CCDC178: variants seen among roughly 807,000 people sequenced by gnomAD.
CCDC178 encodes the protein coiled-coil domain containing 178, also known as coiled-coil domain-containing protein 178.
Under a neutral mutation model 117.4 loss-of-function variants are expected in CCDC178, and 126 were observed. The ratio of observed to expected loss-of-function variants is 1.07; its 90% confidence interval spans 0.93 to 1.24. The LOEUF (loss-of-function observed/expected upper bound fraction) is 1.24, where lower values mean the gene tolerates loss of function less well. Among genes scored for constraint, CCDC178 ranks in the 50% most tolerant of loss-of-function variants. The probability of loss-of-function intolerance (pLI) is 0.00; values close to 1 mark genes in which losing one functional copy is unlikely to be tolerated. For missense variants in CCDC178, 1,030 were observed against 986.9 expected (o/e 1.04, Z -0.59); for synonymous variants, 283 against 313.4 (o/e 0.90, Z 1.02).
chr18:33,249,681 T>G (rs1355461905), intron 14 of CCDC178, among the ~76,000 whole-genome samples: 1 of 152,126 alleles, frequency 6.6e-6, no homozygotes, highest in East Asian at 1.9e-4. Context: ...CCTTGTAGCA[T>G]AGTTTGAAGT....
chr18:33,028,421 A>G (rs2056270977), intron 21 of CCDC178, among the ~76,000 whole-genome samples: 1 of 151,764 alleles, frequency 6.6e-6, no homozygotes, highest in African/African-American at 2.4e-5. Context: ...TCTAGACTGC[A>G]TGACTTTCCA....
intron 14 of CCDC178, among the ~76,000 whole-genome samples, chr18:33,263,656 C>A (rs58050497): frequency 0.067 from 10,251 of 151,932 alleles, 517 homozygotes; most frequent in African/African-American, 0.14. Context: ...AATTTCTTAC[C>A]ACAAACGTGT....
chr18:33,267,059 G>C lies in CCDC178; in HGVS notation c.1273-7C>G, dbSNP rs781495719. The C allele has an allele frequency of 8.3e-6, 13 of 1,572,858 alleles. No individual in the cohort carries two copies. Among genetic ancestry groups the C allele is most frequent in the Middle Eastern group, 1.7e-4 (1 of 5,810 alleles). ...CAATATCCCATGTTTTTTTCTTTAAGAAAAGAATAAAAGAATCATTCATAC... is the reference window on the plus strand; with the variant it reads ...CAATATCCCATGTTTTTTTCTTTAACAAAAGAATAAAAGAATCATTCATAC... On this transcript the variant is annotated splice_region_variant and splice_polypyrimidine_tract_variant and intron_variant, in intron 13 of 22. Transcript: ENST00000383096.
At chr18:33,420,324 G>C (rs2064006701) in intron 2 of CCDC178, among the ~76,000 whole-genome samples, 1 of 151,958 alleles carries the variant, frequency 6.6e-6, no homozygotes, top group Admixed American at 6.6e-5. Context: ...AAAATTATTA[G>C]GTTGGTATAA....
intron 9 of CCDC178, among the ~76,000 whole-genome samples, chr18:33,339,062 C>A (rs1348847931): frequency 6.6e-6 from 1 of 152,000 alleles, no homozygotes; most frequent in East Asian, 1.9e-4. Context: ...ATAATGAACT[C>A]ATGGCATATG....
Position 33,266,960 on chromosome 18 carries a change from T to A in CCDC178, c.1365A>T (p.Lys455Asn). 1 of 1,590,162 alleles carries A rather than the reference T, an allele frequency of 6.3e-7. No individual in the cohort carries two copies. Among genetic ancestry groups the A allele is most frequent in the Non-Finnish European group, 8.5e-7 (1 of 1,172,962 alleles). The change falls in exon 14 of 23, where the codon AAA (lysine) becomes AAT (asparagine). Residue 455 changes from lysine (K) to asparagine (N), a missense_variant. Coordinates refer to ENST00000383096, the MANE Select transcript of CCDC178 (RefSeq NM_001105528.4). Reference protein sequence around the residue: ...ACTKLTEDNKKLEIDINKITV... With the variant: ...ACTKLTEDNKNLEIDINKITV... Reference sequence around the variant, plus strand: ...TTATTTTGTTAATATCAATCTCAAGTTTTTTATTGTCTTCCGTCAGTTTTG... The same window carrying A: ...TTATTTTGTTAATATCAATCTCAAGATTTTTATTGTCTTCCGTCAGTTTTG...
intron 12 of CCDC178, 75 bp downstream of exon 12, chr18:33,293,081 AATT>A: frequency 2.0e-6 from 2 of 1,011,154 alleles, no homozygotes; most frequent in Non-Finnish European, 2.8e-6. Flanking sequence ...ATTGCTATTT[AATT>A]ATTGACAAAA....
intron 22 of CCDC178, among the ~76,000 whole-genome samples, chr18:32,962,526 G>A (rs2054725228): frequency 6.6e-6 from 1 of 152,022 alleles, no homozygotes; most frequent in Admixed American, 6.6e-5. Flanking sequence ...TCTGGGTAGA[G>A]AATTCTGGGC....
chr18:33,397,405 A>G (rs1167915612), intron 3 of CCDC178, among the ~76,000 whole-genome samples, 197 bp from the exon 4 acceptor site: 1 of 152,156 alleles, frequency 6.6e-6, no homozygotes, highest in East Asian at 1.9e-4. Context: ...GCAAAAGGGC[A>G]TTTGATAGAA....
At chr18:33,002,670 T>A (rs1487912916) in intron 21 of CCDC178, among the ~76,000 whole-genome samples, 1 of 150,448 alleles carries the variant, frequency 6.6e-6, no homozygotes, top group Middle Eastern at 3.2e-3. Context: ...GTAGAAGACA[T>A]AATAAAGATC....
In CCDC178 at chr18:33,317,998, G is replaced by A. The variant is rs991708739; in HGVS notation, c.1022+5493C>T. Among the ~76,000 whole-genome samples, 5 of 151,968 alleles carry A rather than the reference G, an allele frequency of 3.3e-5. No individual in the cohort carries two copies. The South Asian group carries it at 6.2e-4, about 19-fold the overall frequency. On this transcript the variant is annotated intron_variant, in intron 11 of 22. Transcript: ENST00000383096. ...CATTGCCAATCCTCATGAAACAACC[G>A]GAAGAAGGCATAGGAGGACAAAAAT...
intron 12 of CCDC178, among the ~76,000 whole-genome samples, chr18:33,280,381 T>C (rs1284996261): frequency 2.6e-5 from 4 of 151,260 alleles, no homozygotes; most frequent in Non-Finnish European, 1.5e-5. Flanking sequence ...ATCAGAGAAA[T>C]GCAAATCAAA....
At chr18:33,073,828 A>G (rs1567971608) in intron 21 of CCDC178, among the ~76,000 whole-genome samples, 1 of 152,172 alleles carries the variant, frequency 6.6e-6, no homozygotes, top group Non-Finnish European at 1.5e-5. Context: ...AGCAAAGAAA[A>G]TACATAGGTG....
At chr18:32,963,018 C>G (rs1057365662) in intron 22 of CCDC178, among the ~76,000 whole-genome samples, 5 of 152,024 alleles carry the variant, frequency 3.3e-5, no homozygotes, top group Non-Finnish European at 7.4e-5. Context: ...CTTACTCTAA[C>G]TCTTGTTTCA....
intron 20 of CCDC178, among the ~76,000 whole-genome samples, chr18:33,179,111 A>AG (rs2058702209): frequency 9.6e-6 from 1 of 104,652 alleles, no homozygotes; most frequent in African/African-American, 4.8e-5. Context: ...ATATATATAA[A>AG]CTATATATAT....
chr18:33,409,408 G>A (rs2063821791), intron 3 of CCDC178, among the ~76,000 whole-genome samples: 1 of 152,140 alleles, frequency 6.6e-6, no homozygotes, highest in Non-Finnish European at 1.5e-5. Flanking sequence ...TTAGAATGGT[G>A]AGAGTTTCCA....
At chr18:33,369,684 C>G (rs1020553502) in intron 6 of CCDC178, among the ~76,000 whole-genome samples, 1 of 151,888 alleles carries the variant, frequency 6.6e-6, no homozygotes, top group Admixed American at 6.6e-5. Flanking sequence ...TTAAAAAGGG[C>G]ACACTGTCCT....
intron 20 of CCDC178, among the ~76,000 whole-genome samples, chr18:33,108,776 C>T (rs2057740511): frequency 6.6e-6 from 1 of 151,554 alleles, no homozygotes; most frequent in African/African-American, 2.4e-5. Context: ...AATTAGCAAA[C>T]TATATAAACG....
chr18:33,309,938 CTTTTATTTATTTATTTATTTATTTATTTA>C, intron 11 of CCDC178, among the ~76,000 whole-genome samples: 1 of 132,952 alleles, frequency 7.5e-6, no homozygotes, highest in African/African-American at 2.8e-5. Context: ...TTTTTCTTTT[CTTTTATTTATTTATTTATTTATTTATTTA>C]TTTATTTATT....
Sources: gnomAD v4.1 joint callset for allele counts (sites outside exome capture counted in the v4.1 genomes callset) on GRCh38, gnomAD v4.1.1 for gene constraint, MANE v1.5 for transcripts, NCBI Gene and HGNC (gene_info 2026-07-23, HGNC 2026-07-21) for gene names.